The following AUTS2 variants were observed in gnomAD, a reference collection of about 807,000 sequenced individuals.
AUTS2 encodes the protein autism susceptibility gene 2 protein.
Under a neutral mutation model 112.4 loss-of-function variants are expected in AUTS2, and 17 were observed. The ratio of observed to expected loss-of-function variants is 0.15; its 90% CI spans 0.10 to 0.23. AUTS2 has a LOEUF of 0.23. Ranked by LOEUF, AUTS2 falls within the 10% of genes least tolerant of loss-of-function variation. The pLI is 1.00. For missense variants in AUTS2, 1,510 were observed against 1,701.6 expected, an observed-to-expected ratio of 0.89 and a Z score of 1.98; for synonymous variants, 751 against 702.7, an observed-to-expected ratio of 1.07 and a Z score of -1.09.
chr7:70,407,115 G>C (rs73175905), intron 4 of AUTS2, among the ~76,000 whole-genome samples: 4,446 of 152,308 alleles, frequency 0.029, 80 homozygotes, highest in South Asian at 0.079. Flanking sequence ...GAGGAAAGCT[G>C]ACATTTTGAG....
At chr7:69,906,978 A>T (rs1419285047) in intron 2 of AUTS2, among the ~76,000 whole-genome samples, 1 of 152,154 alleles carries the variant, frequency 6.6e-6, no homozygotes, top group African/African-American at 2.4e-5. Context: ...ATGGTGACGC[A>T]TGCCTGTTGT....
At chr7:69,715,798 C>A (rs1798579589) in intron 1 of AUTS2, among the ~76,000 whole-genome samples, 1 of 152,180 alleles carries the variant, frequency 6.6e-6, no homozygotes, top group South Asian at 2.1e-4. Context: ...TTCTGTCAGA[C>A]ACTATTCTAA....
At chr7:70,645,292 G>A (rs952446793) in intron 5 of AUTS2, among the ~76,000 whole-genome samples, 1 of 138,870 alleles carries the variant, frequency 7.2e-6, no homozygotes, top group East Asian at 2.3e-4. Context: ...ACTCTGCAGA[G>A]TCCCTGGATC....
At chr7:70,224,387 TACAATACAATACA>T (rs1308326198) in intron 4 of AUTS2, among the ~76,000 whole-genome samples, 1 of 151,402 alleles carries the variant, frequency 6.6e-6, no homozygotes, top group Non-Finnish European at 1.5e-5. Context: ...TACAATACAA[TACAATACAATACA>T]ATATAATACC....
At position 69,955,874 on chromosome 7, in the gene AUTS2, T is replaced by C. The variant is rs540032254; in HGVS notation, c.522+56376T>C. On this transcript the variant is annotated intron_variant, in intron 2 of 18. Coordinates refer to ENST00000342771, the MANE Select transcript of AUTS2 (RefSeq NM_015570.4). The stretch of plus-strand genomic sequence containing the variant: ...TCATTTTAAGGGTATGCTCAAGTTA[T>C]TGCTCTCAGAGGTGTTTACCCTACT... Among the ~76,000 whole-genome samples, 3 of 152,274 alleles carry C rather than the reference T, an allele frequency of 2.0e-5. No individual in the cohort carries two copies. The East Asian group carries it at 5.8e-4, about 29-fold the overall frequency.
At chr7:69,926,201 A>G (rs1238883915) in intron 2 of AUTS2, among the ~76,000 whole-genome samples, 1 of 152,156 alleles carries the variant, frequency 6.6e-6, no homozygotes, top group Non-Finnish European at 1.5e-5. Context: ...GCTCAGTTTT[A>G]TTATATCCTT....
intron 5 of AUTS2, among the ~76,000 whole-genome samples, chr7:70,445,107 G>A (rs1312163778): frequency 6.6e-6 from 1 of 152,076 alleles, no homozygotes; most frequent in African/African-American, 2.4e-5. Flanking sequence ...TTATTGTAGG[G>A]ATCTATATAT....
intron 5 of AUTS2, among the ~76,000 whole-genome samples, chr7:70,637,585 A>C (rs1470067517): frequency 6.6e-6 from 1 of 152,198 alleles, no homozygotes; most frequent in Non-Finnish European, 1.5e-5. Flanking sequence ...GGAGGAATAT[A>C]ATGTTACCCA....
chr7:70,488,149 G>C (rs913110198), intron 5 of AUTS2, among the ~76,000 whole-genome samples: 5 of 152,244 alleles, frequency 3.3e-5, no homozygotes, highest in Admixed American at 3.3e-4. Flanking sequence ...CCAGGCTGCA[G>C]TGCCAGACCT....
intron 1 of AUTS2, among the ~76,000 whole-genome samples, chr7:69,754,407 C>T (rs937727355): frequency 5.3e-5 from 8 of 152,108 alleles, no homozygotes; most frequent in South Asian, 2.1e-4. Context: ...CTGTAAGATA[C>T]AGGGATTTGT....
intron 3 of AUTS2, among the ~76,000 whole-genome samples, chr7:70,133,922 G>A (rs1455054483): frequency 1.3e-5 from 2 of 152,080 alleles, no homozygotes; most frequent in Non-Finnish European, 2.9e-5. Flanking sequence ...CAGAAAAATG[G>A]TGCTTTTCAC....
At chr7:69,614,367 T>TCTTTTCTTTCTTTTCTTTCTTTTCTTTC (rs57602451) in intron 1 of AUTS2, among the ~76,000 whole-genome samples, 1 of 90,184 alleles carries the variant, frequency 1.1e-5, no homozygotes, top group Admixed American at 1.2e-4. Flanking sequence ...TTTCTTTCTT[T>TCTTTTCTTTCTTTTCTTTCTTTTCTTTC]TTTTAAGAGA....
chr7:70,061,677 T>C (rs1234747750), intron 2 of AUTS2, among the ~76,000 whole-genome samples: 2 of 152,162 alleles, frequency 1.3e-5, no homozygotes, highest in African/African-American at 4.8e-5. Context: ...TTAATAACTT[T>C]TAATATCATG....
At chr7:69,829,962 G>A (rs998387785) in intron 1 of AUTS2, among the ~76,000 whole-genome samples, 12 of 152,154 alleles carry the variant, frequency 7.9e-5, no homozygotes, top group South Asian at 2.1e-4. Context: ...CACTATTCAC[G>A]ATAGCAAAGA....
intron 4 of AUTS2, among the ~76,000 whole-genome samples, chr7:70,365,739 C>T (rs1792538700): frequency 6.6e-6 from 1 of 152,176 alleles, no homozygotes. Context: ...AAGATAATGC[C>T]TACTTTAGTA....
In AUTS2 at chr7:69,657,722, A is replaced by G. The variant is rs1260121139; in HGVS notation, c.309+57760A>G. Among the ~76,000 whole-genome samples, 3 of 152,200 alleles carry G rather than the reference A, an allele frequency of 2.0e-5. No individual in the cohort carries two copies. The East Asian group carries it at 5.8e-4, about 29-fold the overall frequency. On this transcript the variant is annotated intron_variant, in intron 1 of 18. Transcript: ENST00000342771. Reference sequence around the variant, plus strand: ...AGAAAAGTCAAACTAGAATTGCATTAGTTTGTTTATATCAAGACCTCATTA... The same window carrying G: ...AGAAAAGTCAAACTAGAATTGCATTGGTTTGTTTATATCAAGACCTCATTA...
At position 70,334,004 on chromosome 7, in the gene AUTS2, A is replaced by G. The variant is rs188489185; in HGVS notation, c.661-101748A>G. Among the ~76,000 whole-genome samples the G allele has an allele frequency of 3.7e-3, 565 of 152,050 alleles. 4 individuals carry two copies. Among genetic ancestry groups the G allele is most frequent in the African/African-American group, 0.013 (526 of 41,442 alleles). ...CTGATTTTTGTGTGTTGATCTTGCA[A>G]TTTTGCTGAATTAATTTTATTAGCT... is the stretch of plus-strand genomic sequence containing the variant. On this transcript the variant is annotated intron_variant, in intron 4 of 18. Transcript: ENST00000342771.
intron 6 of AUTS2, among the ~76,000 whole-genome samples, chr7:70,719,940 A>G (rs538630486): frequency 6.6e-6 from 1 of 152,338 alleles, no homozygotes; most frequent in East Asian, 1.9e-4. Context: ...TAGTGACCAG[A>G]TATTAAGCCA....
intron 4 of AUTS2, among the ~76,000 whole-genome samples, chr7:70,371,856 A>G (rs924924918): frequency 2.6e-5 from 4 of 152,120 alleles, no homozygotes; most frequent in African/African-American, 9.7e-5. Flanking sequence ...TTTGTAATTG[A>G]CCTGATGTGT....
Sources: allele counts gnomAD v4.1 joint callset (sites outside exome capture counted in the v4.1 genomes callset), GRCh38; gene constraint gnomAD v4.1.1; transcripts MANE v1.5; gene names NCBI Gene and HGNC (gene_info 2026-07-23, HGNC 2026-07-21).